The following CACNA1C variants were observed in gnomAD, a reference collection of about 807,000 sequenced individuals.
CACNA1C encodes calcium voltage-gated channel subunit alpha1 C.
CACNA1C carries 30 observed loss-of-function variants against 229.0 expected under a neutral mutation model. The ratio of observed to expected loss-of-function variants is 0.13; its 90% CI spans 0.10 to 0.18. CACNA1C has a LOEUF of 0.18. Ranked by LOEUF, CACNA1C falls within the 10% of genes least tolerant of loss-of-function variation. The pLI, the probability that CACNA1C is intolerant of heterozygous loss-of-function variation, is 1.00. For missense variants in CACNA1C, 1,658 were observed against 2,845.0 expected, an observed-to-expected ratio of 0.58 and a Z score of 9.49; for synonymous variants, 1,114 against 1,132.5, an observed-to-expected ratio of 0.98 and a Z score of 0.33.
rs899548520 is a variant in CACNA1C at position 2,608,286 on chromosome 12, A to C, written c.3357-225A>C. ...TTCTAACTACCCTGCAAGGTAGGAAAGTCAGGAATTATTGTCTCCAATTTA... is the reference window on the plus strand; with the variant it reads ...TTCTAACTACCCTGCAAGGTAGGAACGTCAGGAATTATTGTCTCCAATTTA... On this transcript the variant is annotated intron_variant, in intron 26 of 46. Coordinates refer to ENST00000399655, the MANE Select transcript of CACNA1C (RefSeq NM_000719.7). This position sits in a 1 kb window ranked among gnomAD's most constrained non-coding sequence, Gnocchi z 4.2. Among the ~76,000 whole-genome samples, 1 of 152,240 alleles carries C rather than the reference A, an allele frequency of 6.6e-6. No homozygotes were observed.
chr12:2,532,827 C>T (rs541964341), intron 9 of CACNA1C, among the ~76,000 whole-genome samples: 5 of 152,316 alleles, frequency 3.3e-5, no homozygotes, highest in Admixed American at 2.6e-4. Flanking sequence ...CCCAGGCAGT[C>T]GGGCCCAGGT....
At chr12:2,548,232 C>T (rs2099885754) in intron 9 of CACNA1C, among the ~76,000 whole-genome samples, 1 of 152,166 alleles carries the variant, frequency 6.6e-6, no homozygotes, top group South Asian at 2.1e-4. Flanking sequence ...ACCAGCCCCT[C>T]CAGACTTCAG....
chr12:2,468,058 G>A (rs1223444051), intron 5 of CACNA1C, among the ~76,000 whole-genome samples: 1 of 152,210 alleles, frequency 6.6e-6, no homozygotes, highest in Non-Finnish European at 1.5e-5. Flanking sequence ...GAAGAGGCCC[G>A]CCATGCGGCA....
At chr12:2,408,842 A>C (rs977078707) in intron 3 of CACNA1C, among the ~76,000 whole-genome samples, 22 of 152,216 alleles carry the variant, frequency 1.4e-4, no homozygotes, top group African/African-American at 4.8e-4. Context: ...TTTTCATGGA[A>C]AAGGACTCCT....
At chr12:2,497,179 C>G (rs368217863) in intron 7 of CACNA1C, among the ~76,000 whole-genome samples, 1 of 152,192 alleles carries the variant, frequency 6.6e-6, no homozygotes, top group East Asian at 1.9e-4. Flanking sequence ...CTTTGCAGGA[C>G]CTTGTCGATA....
intron 34 of CACNA1C, chr12:2,659,981 C>A: frequency 5.0e-6 from 1 of 201,974 alleles, no homozygotes; most frequent in South Asian, 1.1e-4. Context: ...GCCAGAAACT[C>A]ATTGAAGTGG....
intron 5 of CACNA1C, among the ~76,000 whole-genome samples, chr12:2,483,743 A>G (rs1440462866): frequency 6.6e-6 from 1 of 152,096 alleles, no homozygotes. Context: ...TGTGAGGAAC[A>G]GGGCATTTGG....
chr12:2,358,237 G>T (rs1316565583), intron 3 of CACNA1C, among the ~76,000 whole-genome samples: 1 of 146,794 alleles, frequency 6.8e-6, no homozygotes, highest in Non-Finnish European at 1.5e-5. Flanking sequence ...TGGCCTAAAA[G>T]AAGCGGCGTC....
intron 3 of CACNA1C, among the ~76,000 whole-genome samples, chr12:2,136,082 G>A (rs1439279829): frequency 6.0e-5 from 9 of 150,838 alleles, no homozygotes; most frequent in South Asian, 2.1e-4. Context: ...AGGTGCGTCC[G>A]TCACCCCTTT....
rs1370441954 is a variant in CACNA1C at position 2,517,327 on chromosome 12, G to A, written c.1390+4343G>A. On this transcript the variant is annotated intron_variant, in intron 9 of 46. Coordinates refer to ENST00000399655, the MANE Select transcript of CACNA1C (RefSeq NM_000719.7). ...CCATCAGGAAACCAGAAAGAGGAGA[G>A]GAGGAGACTCACACAGACTCTAGCA... Among the ~76,000 whole-genome samples, 5 of 152,236 alleles carry A rather than the reference G, an allele frequency of 3.3e-5. No individual in the cohort carries two copies. The East Asian group carries it at 9.6e-4, about 29-fold the overall frequency.
Position 2,566,028 on chromosome 12 carries a change from C to T in CACNA1C, c.1509-394C>T, listed in dbSNP as rs1600316860. ...GAGAAGTGCCTGATGTGGTACTGGG[C>T]CCCTCCTCCACTGTTACTAATAATG... On this transcript the variant is annotated intron_variant, in intron 11 of 46. Coordinates refer to ENST00000399655, the MANE Select transcript of CACNA1C (RefSeq NM_000719.7). This position sits in a 1 kb window ranked among gnomAD's most constrained non-coding sequence, Gnocchi z 4.0. Among the ~76,000 whole-genome samples the T allele has an allele frequency of 5.3e-5, 8 of 152,190 alleles. No homozygotes were observed. The highest frequency in any genetic ancestry group is 5.2e-4 in the Admixed American group (8 of 15,284).
At chr12:2,156,231 A>G (rs190942011) in intron 3 of CACNA1C, among the ~76,000 whole-genome samples, 106 of 152,378 alleles carry the variant, frequency 7.0e-4, no homozygotes, top group African/African-American at 2.5e-3. Context: ...GATTGATGGT[A>G]GTTACATGAA....
intron 3 of CACNA1C, among the ~76,000 whole-genome samples, chr12:2,373,133 G>C (rs192984724): frequency 6.6e-6 from 1 of 152,192 alleles, no homozygotes; most frequent in African/African-American, 2.4e-5. Flanking sequence ...GACTTTCAGC[G>C]AAGGAGGATC....
chr12:2,105,875 A>G (rs28624470), intron 1 of CACNA1C, among the ~76,000 whole-genome samples: 1 of 16,522 alleles, frequency 6.1e-5, no homozygotes, highest in African/African-American at 2.0e-4. Context: ...TCAGCTGGGC[A>G]TCGTGAAGCC....
intron 3 of CACNA1C, among the ~76,000 whole-genome samples, chr12:2,399,326 C>G (rs1281285614): frequency 1.3e-5 from 2 of 152,272 alleles, no homozygotes; most frequent in East Asian, 1.9e-4. Context: ...CCTTTTACCC[C>G]CTGTCCTCTT....
chr12:2,155,837 T>C (rs1290086111), intron 3 of CACNA1C, among the ~76,000 whole-genome samples: 4 of 152,230 alleles, frequency 2.6e-5, no homozygotes, highest in Admixed American at 2.0e-4. Context: ...TTAATTATGC[T>C]CCGTGCTTGA....
At chr12:2,316,294 T>A (rs1258751264) in intron 3 of CACNA1C, among the ~76,000 whole-genome samples, 1 of 152,254 alleles carries the variant, frequency 6.6e-6, no homozygotes, top group African/African-American at 2.4e-5. Flanking sequence ...GAGACCTTGG[T>A]TTCCACATCT....
intron 5 of CACNA1C, among the ~76,000 whole-genome samples, chr12:2,459,438 GAATAAGCA>G (rs1412239905): frequency 1.3e-5 from 2 of 152,134 alleles, no homozygotes; most frequent in African/African-American, 4.8e-5. Flanking sequence ...GGAACTTACT[GAATAAGCA>G]AAAGAAAGAG....
At chr12:2,445,143 C>T (rs138964329) in intron 3 of CACNA1C, among the ~76,000 whole-genome samples, 29 of 152,282 alleles carry the variant, frequency 1.9e-4, no homozygotes, top group Admixed American at 1.4e-3. Flanking sequence ...ATGCCTGACC[C>T]CCTCCACATT....
Sources: gnomAD v4.1 joint callset for allele counts (sites outside exome capture counted in the v4.1 genomes callset) on GRCh38, gnomAD v4.1.1 for gene constraint, Gnocchi (gnomAD v3.1) non-coding constraint, MANE v1.5 for transcripts, NCBI Gene and HGNC (gene_info 2026-07-23, HGNC 2026-07-21) for gene names.